TMPRSS11F: variants seen among roughly 807,000 people sequenced by gnomAD.
The protein encoded by TMPRSS11F is transmembrane serine protease 11F.
TMPRSS11F carries 47 observed loss-of-function variants against 60.2 expected under a neutral mutation model. That is an observed-to-expected ratio of 0.78 (90% CI 0.62 to 1.00). The LOEUF (loss-of-function observed/expected upper bound fraction) is 1.00. TMPRSS11F is among the 50% of genes least tolerant of loss of function. The probability of loss-of-function intolerance (pLI) is 0.00; values close to 1 mark genes in which losing one functional copy is unlikely to be tolerated. For synonymous variants in TMPRSS11F, 166 were observed against 167.3 expected, an observed-to-expected ratio of 0.99 and a Z score of 0.06; for missense variants, 519 against 522.9, an observed-to-expected ratio of 0.99 and a Z score of 0.07.
At chr4:68,095,922 T>C (rs1458594658) in intron 2 of TMPRSS11F, among the ~76,000 whole-genome samples, 2 of 134,670 alleles carry the variant, frequency 1.5e-5, no homozygotes, top group African/African-American at 5.3e-5. Context: ...AAAAAGCATA[T>C]GTCCAATGAC....
intron 2 of TMPRSS11F, 74 bp downstream of exon 2, chr4:68,098,813 T>C: frequency 7.2e-7 from 1 of 1,385,968 alleles, no homozygotes; most frequent in South Asian, 1.4e-5. Context: ...AATGTCACTT[T>C]TTATACAACA....
chr4:68,091,376 T>G (rs6845229), intron 2 of TMPRSS11F, among the ~76,000 whole-genome samples: 63,970 of 151,684 alleles, frequency 0.42, 14,314 homozygotes, highest in Non-Finnish European at 0.52. Flanking sequence ...AAAGATTCTA[T>G]CTTTGACCTG....
chr4:68,121,429 A>G (rs1200289137), intron 1 of TMPRSS11F, among the ~76,000 whole-genome samples: 1 of 152,198 alleles, frequency 6.6e-6, no homozygotes, highest in Non-Finnish European at 1.5e-5. Flanking sequence ...TATTTTTGGT[A>G]TGCTATTCCT....
chr4:68,075,939 G>T (rs1723574788), intron 3 of TMPRSS11F, among the ~76,000 whole-genome samples: 1 of 151,650 alleles, frequency 6.6e-6, no homozygotes, highest in Non-Finnish European at 1.5e-5. Context: ...CTTGCAGTGA[G>T]CCAAGATTAG....
chr4:68,104,451 G>A (rs921875283), intron 1 of TMPRSS11F, among the ~76,000 whole-genome samples: 9 of 152,070 alleles, frequency 5.9e-5, no homozygotes, highest in South Asian at 2.1e-4. Flanking sequence ...TCATGATAGT[G>A]AGTGAGTTCT....
At chr4:68,113,103 C>T (rs1399845888) in intron 1 of TMPRSS11F, among the ~76,000 whole-genome samples, 36 of 152,130 alleles carry the variant, frequency 2.4e-4, no homozygotes, top group Admixed American at 2.4e-3. Context: ...GTTTCATAAA[C>T]ATGACTCAAC....
chr4:68,109,714 C>A (rs567154470), intron 1 of TMPRSS11F, among the ~76,000 whole-genome samples: 3 of 152,118 alleles, frequency 2.0e-5, no homozygotes, highest in Non-Finnish European at 4.4e-5. Context: ...TATAAACATC[C>A]TTTAATAACA....
chr4:68,117,249 C>T (rs1050233765), intron 1 of TMPRSS11F, among the ~76,000 whole-genome samples: 8 of 151,852 alleles, frequency 5.3e-5, no homozygotes, highest in East Asian at 1.9e-4. Flanking sequence ...GGGCGGATCA[C>T]GAGGTCAGGA....
intron 7 of TMPRSS11F, among the ~76,000 whole-genome samples, chr4:68,067,034 A>C (rs983843861): frequency 1.3e-5 from 2 of 152,152 alleles, no homozygotes; most frequent in Non-Finnish European, 2.9e-5. Context: ...GTGTGATTAC[A>C]TGAAATTATT....
intron 1 of TMPRSS11F, among the ~76,000 whole-genome samples, chr4:68,106,326 C>A (rs149761147): frequency 1.3e-5 from 2 of 151,988 alleles, no homozygotes. Context: ...ACACTGGCAA[C>A]GGGAGACAGA....
At position 68,064,808 on chromosome 4, in the gene TMPRSS11F, G is replaced by A; in HGVS notation, c.892C>T (p.Gln298Ter). 1 of 1,614,146 alleles carries A rather than the reference G, an allele frequency of 6.2e-7. No individual in the cohort carries two copies. The highest frequency in any genetic ancestry group is 8.5e-7 in the Non-Finnish European group (1 of 1,180,024). The change falls in exon 8 of 10, where the codon CAG becomes TAG. Residue 298 changes from glutamine to a stop codon, truncating the protein, a stop_gained. Coordinates refer to ENST00000356291, the MANE Select transcript of TMPRSS11F (RefSeq NM_207407.2). LOFTEE classifies it high-confidence loss of function. ...ETNENDIALV[Q>*]LSTGVEFSNI... ...GAAAACTCAACTCCAGTAGAGAGCT[G>A]AACCAAAGCAATGTCATTTTCATTT...
At chr4:68,111,330 A>T (rs767022644) in intron 1 of TMPRSS11F, among the ~76,000 whole-genome samples, 33 of 152,208 alleles carry the variant, frequency 2.2e-4, no homozygotes, top group Admixed American at 6.5e-5. Flanking sequence ...CAACTCAGAC[A>T]TCTTTGCCTA....
chr4:68,107,481 T>C (rs1724325195), intron 1 of TMPRSS11F, among the ~76,000 whole-genome samples: 1 of 152,166 alleles, frequency 6.6e-6, no homozygotes, highest in Non-Finnish European at 1.5e-5. Flanking sequence ...TGGAGCCATG[T>C]AACTATCTGA....
At position 68,091,761 on chromosome 4, in the gene TMPRSS11F, C is replaced by CTATCTATCTATCTA. The variant is rs1298593698; in HGVS notation, c.164-1121_164-1120insTAGATAGATAGATA. On this transcript the variant is annotated intron_variant, in intron 2 of 9. Coordinates refer to ENST00000356291, the MANE Select transcript of TMPRSS11F (RefSeq NM_207407.2). The stretch of plus-strand genomic sequence containing the variant: ...TTTAATCTCTAATCTCTCTCTCTCT[C>CTATCTATCTATCTA]TCTCTCTCTCTCTCTCTCTCTCTAT... Among the ~76,000 whole-genome samples the CTATCTATCTATCTA allele has an allele frequency of 2.8e-3, 306 of 110,688 alleles. 1 individual carries two copies. The highest frequency in any genetic ancestry group is 0.01 in the African/African-American group (287 of 28,136). 72.6% of individuals were successfully genotyped at this position (110,688 alleles called of 152,430 possible).
rs148209340 is a variant in TMPRSS11F, at chr4:68,098,354, T to C, written c.163+533A>G. ...ACCAAAGACGAAGGTAAATGAATCT[T>C]AGTTGATTGTCATTTGGCTCAACTA... is the stretch of plus-strand genomic sequence containing the variant. On this transcript the variant is annotated intron_variant, in intron 2 of 9. Coordinates refer to ENST00000356291, the MANE Select transcript of TMPRSS11F (RefSeq NM_207407.2). 2.0e-4 allele frequency among the ~76,000 whole-genome samples: 31 copies of C among 152,282 alleles called. No homozygotes were observed. In the East Asian group the frequency reaches 5.4e-3, roughly 27 times the overall value.
chr4:68,072,782 T>C (rs1449906158), intron 4 of TMPRSS11F, among the ~76,000 whole-genome samples: 2 of 152,144 alleles, frequency 1.3e-5, no homozygotes, highest in African/African-American at 4.8e-5. Flanking sequence ...CGGGCGGAGA[T>C]GTTGGTGAAA....
At chr4:68,058,963 C>T (rs145786235) in intron 9 of TMPRSS11F, among the ~76,000 whole-genome samples, 1 of 152,108 alleles carries the variant, frequency 6.6e-6, no homozygotes, top group East Asian at 1.9e-4. Context: ...AGCATTTAAA[C>T]AGGTCAGTGT....
At position 68,129,810 on chromosome 4, in the gene TMPRSS11F, G is replaced by C. The variant is rs142296401; in HGVS notation, c.11C>G (p.Ala4Gly). 11 of 1,612,934 alleles carry C rather than the reference G, an allele frequency of 6.8e-6. No homozygotes were observed. The South Asian group carries it at 1.2e-4, about 18-fold the overall frequency. ...TTACTGAGAAAAGCTGAATACTTAC[G>C]CGTACATCATGAACCCAGGACTGGG... MMY[A>G]PVEFSEAEFS... The change falls in exon 1 of 10, where the codon GCA becomes GGA. Residue 4 changes from alanine to glycine, a missense_variant and splice_region_variant. Physicochemically the swap from Ala to Gly is moderately conservative, Grantham distance 60. Transcript: ENST00000356291.
intron 3 of TMPRSS11F, among the ~76,000 whole-genome samples, chr4:68,075,873 G>C (rs1723572985): frequency 6.6e-6 from 1 of 151,872 alleles, no homozygotes. Context: ...GGCGCCTGTA[G>C]TCCCAGCTAC....
Sources: gnomAD v4.1 joint callset for allele counts (sites outside exome capture counted in the v4.1 genomes callset) on GRCh38, gnomAD v4.1.1 for gene constraint, MANE v1.5 for transcripts, NCBI Gene and HGNC (gene_info 2026-07-23, HGNC 2026-07-21) for gene names.